Variants in VAPB observed in about 807,000 individuals in gnomAD.
VAPB encodes the protein vesicle-associated membrane protein-associated protein B/C.
A neutral mutation model predicts 25.6 loss-of-function variants in VAPB; 7 were observed. The ratio of observed to expected loss-of-function variants is 0.27; its 90% CI spans 0.16 to 0.51. The LOEUF (loss-of-function observed/expected upper bound fraction) is 0.51. Ranked by LOEUF, VAPB falls within the 20% of genes least tolerant of loss-of-function variation. The probability of loss-of-function intolerance (pLI) is 0.97; values close to 1 mark genes in which losing one functional copy is unlikely to be tolerated. For missense variants in VAPB, 266 were observed against 301.3 expected (o/e 0.88, Z 0.87); for synonymous variants, 112 against 109.2 (o/e 1.03, Z -0.16).
At chr20:58,403,831 ACCG>A (rs1988158235) in intron 1 of VAPB, among the ~76,000 whole-genome samples, 1 of 152,170 alleles carries the variant, frequency 6.6e-6, no homozygotes, top group Non-Finnish European at 1.5e-5. Flanking sequence ...CACTGTATTT[ACCG>A]TTTACCTTCT....
In VAPB at chr20:58,433,615, C is replaced by T. The variant is rs186505161; in HGVS notation, c.212-987C>T. 6.0e-4 allele frequency among the ~76,000 whole-genome samples: 91 copies of T among 152,312 alleles called. No homozygotes were observed. In the East Asian group the frequency reaches 0.018, roughly 29 times the overall value. The stretch of plus-strand genomic sequence containing the variant: ...AAGGTGTAACCTTGGGCAAATTCAC[C>T]TCTCTGTGTTCATTCTTTTCATGTG... On this transcript the variant is annotated intron_variant, in intron 2 of 5. Coordinates refer to ENST00000475243, the MANE Select transcript of VAPB (RefSeq NM_004738.5).
rs1484269160 is a variant in VAPB at position 58,449,836 on chromosome 20, C to G, written c.*5601C>G. 2.2e-6 allele frequency: 1 copy of G among 453,990 alleles called. No homozygotes were observed. The highest frequency in any genetic ancestry group is 4.4e-6 in the Non-Finnish European group (1 of 226,792). The allele number at this position is 453,990 out of a possible 1,614,324, so 28.1% of individuals were successfully genotyped here. On this transcript the variant is annotated 3_prime_UTR_variant, in exon 6 of 6. Coordinates refer to ENST00000475243, the MANE Select transcript of VAPB (RefSeq NM_004738.5). Reference sequence around the variant, plus strand: ...GCTTTCCTGCTTGCATTCTGATGAGCTGCAGGAGTGCGCCTGGCCTTCTGC... The same window carrying G: ...GCTTTCCTGCTTGCATTCTGATGAGGTGCAGGAGTGCGCCTGGCCTTCTGC...
At chr20:58,418,062 C>T (rs1600796076) in intron 1 of VAPB, 149 bp from the exon 2 acceptor site, 2 of 1,082,798 alleles carry the variant, frequency 1.8e-6, no homozygotes, top group Non-Finnish European at 2.8e-6. Flanking sequence ...AGTGCATTAA[C>T]CTCAGCTCAT....
intron 1 of VAPB, among the ~76,000 whole-genome samples, chr20:58,407,706 C>T (rs1227214082): frequency 1.3e-5 from 2 of 148,732 alleles, no homozygotes; most frequent in African/African-American, 5.0e-5. Flanking sequence ...TGAACTATTT[C>T]CGTTTTTTTC....
chr20:58,444,231 T>C lies in VAPB; in HGVS notation c.728T>C (p.Leu243Ser). 1 of 1,614,220 alleles carries C rather than the reference T, an allele frequency of 6.2e-7. No individual in the cohort carries two copies. The highest frequency in any genetic ancestry group is 1.3e-5 in the African/African-American group (1 of 75,056). ...IVGVIIGKIA[L>S] ...GGTGTAATTATTGGGAAGATTGCCT[T>C]GTAGAGGTAGCATGCACAGGATGGT... The change falls in exon 6 of 6, where the codon TTG (leucine) becomes TCG (serine). Residue 243 changes from leucine (L) to serine (S), a missense_variant. By Grantham distance (145) the Leu-to-Ser change is moderately radical. Transcript: ENST00000475243.
chr20:58,434,038 A>AGG (rs964751588), intron 2 of VAPB, among the ~76,000 whole-genome samples: 16 of 152,214 alleles, frequency 1.1e-4, no homozygotes, highest in African/African-American at 3.1e-4. Context: ...GGGAAAAAAA[A>AGG]GGGGGAGTAT....
intron 1 of VAPB, among the ~76,000 whole-genome samples, chr20:58,407,039 C>G (rs966291553): frequency 2.0e-5 from 3 of 152,064 alleles, no homozygotes; most frequent in African/African-American, 7.2e-5. Context: ...CGTCTAAGAT[C>G]CTTTTAGAAC....
At chr20:58,389,581 C>T in intron 1 of VAPB, 64 bp downstream of exon 1, 1 of 1,492,118 alleles carries the variant, frequency 6.7e-7, no homozygotes, top group South Asian at 1.3e-5. Context: ...AAGGACGGAG[C>T]CCGGCGCGGC....
intron 2 of VAPB, among the ~76,000 whole-genome samples, chr20:58,421,225 A>G (rs572516419): frequency 9.8e-5 from 15 of 152,322 alleles, no homozygotes; most frequent in African/African-American, 3.4e-4. Context: ...AATAGTGTCT[A>G]CCTTACAGAA....
chr20:58,445,656 T>C lies in VAPB; in HGVS notation c.*1421T>C, dbSNP rs1187259575. The C allele has an allele frequency of 4.4e-6, 2 of 454,262 alleles. No homozygotes were observed. The highest frequency in any genetic ancestry group is 7.0e-5 in the East Asian group (1 of 14,380). The allele number at this position is 454,262 out of a possible 1,614,324, so 28.1% of individuals were successfully genotyped here. On this transcript the variant is annotated 3_prime_UTR_variant, in exon 6 of 6. Transcript: ENST00000475243. ...TTAACTTTAAAATGAGCCCTATCAC[T>C]GAGAAATACGTGTTTCATGATTTAA...
At chr20:58,421,164 CAACCTATT>C (rs983789952) in intron 2 of VAPB, among the ~76,000 whole-genome samples, 16 of 152,292 alleles carry the variant, frequency 1.1e-4, no homozygotes, top group African/African-American at 3.4e-4. Flanking sequence ...GAATTTTGAC[CAACCTATT>C]AACCTTTCTA....
At chr20:58,393,960 G>A (rs1206487820) in intron 1 of VAPB, among the ~76,000 whole-genome samples, 7 of 152,186 alleles carry the variant, frequency 4.6e-5, no homozygotes, top group South Asian at 2.1e-4. Flanking sequence ...TCGAACTCCC[G>A]ACCTCAGGTG....
chr20:58,436,336 T>TC (rs1989044787), intron 3 of VAPB, among the ~76,000 whole-genome samples: 1 of 63,316 alleles, frequency 1.6e-5, no homozygotes, highest in Non-Finnish European at 3.4e-5. Context: ...CCTTTTTTTT[T>TC]TTTTTTTTTT....
At chr20:58,399,161 C>T (rs553442591) in intron 1 of VAPB, among the ~76,000 whole-genome samples, 4 of 151,854 alleles carry the variant, frequency 2.6e-5, no homozygotes, top group Non-Finnish European at 2.9e-5. Flanking sequence ...GTTAGCCGGG[C>T]GTGGTGGTGC....
At chr20:58,426,597 G>T (rs542872470) in intron 2 of VAPB, among the ~76,000 whole-genome samples, 15 of 152,274 alleles carry the variant, frequency 9.9e-5, no homozygotes, top group African/African-American at 3.6e-4. Context: ...AAGAGACCAA[G>T]AAATCCAAGA....
chr20:58,437,532 G>A (rs897114492), intron 3 of VAPB, among the ~76,000 whole-genome samples: 3 of 152,184 alleles, frequency 2.0e-5, no homozygotes, highest in African/African-American at 7.2e-5. Context: ...GGTAATCTGT[G>A]ATACTCTGAG....
intron 1 of VAPB, among the ~76,000 whole-genome samples, chr20:58,415,073 G>A (rs1050594951): frequency 6.6e-6 from 1 of 151,826 alleles, no homozygotes; most frequent in African/African-American, 2.4e-5. Context: ...AACCAGTCAG[G>A]CGTGGCGGCG....
chr20:58,389,490 G>A lies in VAPB; in HGVS notation c.31G>A (p.Glu11Lys). 2 of 1,595,462 alleles carry A rather than the reference G, an allele frequency of 1.3e-6. No homozygotes were observed. Among genetic ancestry groups the A allele is most frequent in the Non-Finnish European group, 1.7e-6 (2 of 1,171,962 alleles). ...GAAGGTGGAGCAGGTCCTGAGCCTCGAGCCGCAGCACGAGCTCAAATTCCG... is the reference window on the plus strand; with the variant it reads ...GAAGGTGGAGCAGGTCCTGAGCCTCAAGCCGCAGCACGAGCTCAAATTCCG... MAKVEQVLSL[E>K]PQHELKFRGP... Residue 11 changes from glutamate to lysine, a missense_variant, in exon 1 of 6, where the codon GAG (glutamate) becomes AAG (lysine). Coordinates refer to ENST00000475243, the MANE Select transcript of VAPB (RefSeq NM_004738.5).
intron 2 of VAPB, among the ~76,000 whole-genome samples, chr20:58,434,229 G>A (rs1422349301): frequency 6.6e-6 from 1 of 152,176 alleles, no homozygotes; most frequent in Non-Finnish European, 1.5e-5. Context: ...TTTAATTCCT[G>A]AAGAGATCAT....
Sources: allele counts gnomAD v4.1 joint callset (sites outside exome capture counted in the v4.1 genomes callset), GRCh38; gene constraint gnomAD v4.1.1; transcripts MANE v1.5; gene names NCBI Gene and HGNC (gene_info 2026-07-23, HGNC 2026-07-21).